DPY19L1: variants seen among roughly 807,000 people sequenced by gnomAD.
The protein encoded by DPY19L1 is dpy-19 like C-mannosyltransferase 1, also known as protein C-mannosyl-transferase DPY19L1.
Under a neutral mutation model 96.9 loss-of-function variants are expected in DPY19L1, and 35 were observed. That is an observed-to-expected ratio of 0.36 (90% CI 0.28 to 0.48). DPY19L1 has a LOEUF of 0.48. Among genes scored for constraint, DPY19L1 ranks in the 20% least tolerant of loss-of-function variants. The pLI is 0.99. For synonymous variants in DPY19L1, 205 were observed against 252.6 expected (o/e 0.81, Z 1.79); for missense variants, 521 against 777.9 (o/e 0.67, Z 3.93).
At chr7:35,034,006 A>C (rs1786326468) in intron 1 of DPY19L1, among the ~76,000 whole-genome samples, 1 of 152,112 alleles carries the variant, frequency 6.6e-6, no homozygotes, top group African/African-American at 2.4e-5. Flanking sequence ...CACAATGCTG[A>C]GGTTGCAAAG....
At chr7:35,017,501 CAAAAAAA>C (rs1161959357) in intron 3 of DPY19L1, among the ~76,000 whole-genome samples, 7 of 13,680 alleles carry the variant, frequency 5.1e-4, no homozygotes, top group African/African-American at 1.9e-3. Context: ...GACTCCGTCT[CAAAAAAA>C]AAAAAAAAAA....
intron 7 of DPY19L1, among the ~76,000 whole-genome samples, chr7:34,977,639 AT>A (rs1233910638): frequency 6.6e-6 from 1 of 152,210 alleles, no homozygotes; most frequent in African/African-American, 2.4e-5. Flanking sequence ...ATGCCATATA[AT>A]TTGAAAATAG....
At chr7:34,956,109 G>C (rs924168730) in intron 11 of DPY19L1, among the ~76,000 whole-genome samples, 1 of 152,162 alleles carries the variant, frequency 6.6e-6, no homozygotes, top group Non-Finnish European at 1.5e-5. Flanking sequence ...ACACCTCAGT[G>C]TGAAGCATCT....
At chr7:34,979,995 A>G (rs1784906021) in intron 7 of DPY19L1, among the ~76,000 whole-genome samples, 1 of 152,154 alleles carries the variant, frequency 6.6e-6, no homozygotes, top group Non-Finnish European at 1.5e-5. Flanking sequence ...GATCTTCACT[A>G]TGAGATATTG....
At position 34,931,696 on chromosome 7, in the gene DPY19L1, T is replaced by C; in HGVS notation, c.2124A>G (p.Val708=). The C allele has an allele frequency of 6.4e-7, 1 of 1,567,492 alleles. No individual in the cohort carries two copies. The highest frequency in any genetic ancestry group is 2.2e-5 in the East Asian group (1 of 44,722). ...PGCSMPEIWD[V]EDPANAGKTP... ...TTTTCCCAGCATTGGCAGGATCTTCTACATCCCAAATTTCAGGCATACTGC... is the reference window on the plus strand; with the variant it reads ...TTTTCCCAGCATTGGCAGGATCTTCCACATCCCAAATTTCAGGCATACTGC... Residue 708 remains valine (V), a synonymous_variant, in exon 22 of 22, where the codon GTA becomes GTG. Transcript: ENST00000638088.
At chr7:34,993,379 T>C (rs1785213475) in intron 6 of DPY19L1, among the ~76,000 whole-genome samples, 1 of 152,190 alleles carries the variant, frequency 6.6e-6, no homozygotes, top group Non-Finnish European at 1.5e-5. Flanking sequence ...AATTCAGCCT[T>C]TATCTTAATT....
At chr7:34,979,895 G>T (rs764209799) in intron 7 of DPY19L1, among the ~76,000 whole-genome samples, 4 of 151,998 alleles carry the variant, frequency 2.6e-5, no homozygotes, top group Non-Finnish European at 4.4e-5. Flanking sequence ...TGAAAGAGAG[G>T]GAAGTAGTGA....
In DPY19L1 at chr7:34,969,046, A is replaced by C. The variant is rs139305662; in HGVS notation, c.1014+387T>G. On this transcript the variant is annotated intron_variant, in intron 9 of 21. Transcript: ENST00000638088. The stretch of plus-strand genomic sequence containing the variant: ...TCTACATGCAAGAATGTACACAACT[A>C]TTCATAAAAGAAACATTTTAGGTAA... Among the ~76,000 whole-genome samples, 566 of 152,238 alleles carry C rather than the reference A, an allele frequency of 3.7e-3. 3 individuals are homozygous for C. Among genetic ancestry groups the C allele is most frequent in the African/African-American group, 0.011 (476 of 41,536 alleles).
chr7:35,004,689 T>C (rs1785509907), intron 6 of DPY19L1, among the ~76,000 whole-genome samples: 1 of 152,242 alleles, frequency 6.6e-6, no homozygotes, highest in South Asian at 2.1e-4. Context: ...GGGTCATAGA[T>C]AATACACTCA....
chr7:34,965,176 A>G (rs532149627), intron 10 of DPY19L1, among the ~76,000 whole-genome samples: 19 of 152,292 alleles, frequency 1.2e-4, no homozygotes, highest in Admixed American at 9.8e-4. Flanking sequence ...GTGCCCTAGG[A>G]GATATGTGAA....
chr7:34,995,198 T>A (rs542912496), intron 6 of DPY19L1, among the ~76,000 whole-genome samples: 1 of 152,162 alleles, frequency 6.6e-6, no homozygotes, highest in Non-Finnish European at 1.5e-5. Context: ...CCCCAATCCA[T>A]AGAGGCTACT....
At chr7:34,952,946 C>G (rs1182512060) in intron 13 of DPY19L1, among the ~76,000 whole-genome samples, 3 of 152,090 alleles carry the variant, frequency 2.0e-5, no homozygotes, top group African/African-American at 7.2e-5. Context: ...GCATTTTTAC[C>G]TAGGTTGCTC....
At chr7:34,962,945 A>G (rs184001677) in intron 10 of DPY19L1, among the ~76,000 whole-genome samples, 1 of 152,264 alleles carries the variant, frequency 6.6e-6, no homozygotes, top group African/African-American at 2.4e-5. Flanking sequence ...CTGTAATCCC[A>G]GCACTTTGGG....
chr7:34,951,537 C>T (rs1212492355), intron 13 of DPY19L1, among the ~76,000 whole-genome samples: 5 of 151,776 alleles, frequency 3.3e-5, no homozygotes, highest in Non-Finnish European at 5.9e-5. Flanking sequence ...CTATAAGATA[C>T]ATAAAAGAGT....
intron 8 of DPY19L1, among the ~76,000 whole-genome samples, 166 bp downstream of exon 8, chr7:34,973,348 A>G (rs566219355): frequency 2.6e-4 from 40 of 152,318 alleles, no homozygotes; most frequent in South Asian, 6.2e-4. Context: ...GGCTGATAGA[A>G]GAAATGTTTT....
intron 8 of DPY19L1, among the ~76,000 whole-genome samples, chr7:34,972,485 AG>A (rs1249048833): frequency 1.3e-5 from 2 of 152,184 alleles, no homozygotes; most frequent in Non-Finnish European, 2.9e-5. Flanking sequence ...GTAGAAAAGC[AG>A]GAAGGAACTA....
Position 34,943,774 on chromosome 7 carries a change from T to C in DPY19L1, c.1545-1135A>G, listed in dbSNP as rs186355884. Among the ~76,000 whole-genome samples, 247 of 152,320 alleles carry C rather than the reference T, an allele frequency of 1.6e-3. 4 individuals are homozygous for C. The highest frequency in any genetic ancestry group is 0.014 in the Admixed American group (209 of 15,308). On this transcript the variant is annotated intron_variant, in intron 16 of 21. Coordinates refer to ENST00000638088, the MANE Select transcript of DPY19L1 (RefSeq NM_001366673.1). ...CTTTGTTTCTGTGAGAAGTTCCACC[T>C]TCCTCTTCCAGAGTTGCATACTACA...
intron 21 of DPY19L1, among the ~76,000 whole-genome samples, chr7:34,935,960 T>A (rs1783859704): frequency 1.3e-5 from 2 of 152,172 alleles, no homozygotes; most frequent in Non-Finnish European, 2.9e-5. Flanking sequence ...TCAGCCTGGC[T>A]TAGATCTTGT....
At chr7:35,008,312 G>C (rs1022919699) in intron 6 of DPY19L1, among the ~76,000 whole-genome samples, 7 of 152,220 alleles carry the variant, frequency 4.6e-5, no homozygotes, top group Middle Eastern at 3.4e-3. Context: ...TGTGTTGACT[G>C]AACAACTGAA....
Sources: allele counts gnomAD v4.1 joint callset (sites outside exome capture counted in the v4.1 genomes callset), GRCh38; gene constraint gnomAD v4.1.1; transcripts MANE v1.5; gene names NCBI Gene and HGNC (gene_info 2026-07-23, HGNC 2026-07-21).